Variants in MEI1 observed in about 807,000 individuals in gnomAD.
MEI1 encodes meiotic double-stranded break formation protein 1.
Under a neutral mutation model 146.2 loss-of-function variants are expected in MEI1, and 103 were observed. That is an observed-to-expected ratio of 0.70 (90% confidence interval 0.60 to 0.83). The LOEUF (loss-of-function observed/expected upper bound fraction) is 0.83, where lower values mean the gene tolerates loss of function less well. MEI1 is among the 40% of genes least tolerant of loss of function. The pLI is 0.00. For synonymous variants in MEI1, 652 were observed against 628.2 expected (o/e 1.04, Z -0.57); for missense variants, 1,529 against 1,533.0 (o/e 1.00, Z 0.04).
At chr22:41,765,090 CG>C (rs2074755178) in intron 19 of MEI1, among the ~76,000 whole-genome samples, 1 of 152,150 alleles carries the variant, frequency 6.6e-6, no homozygotes, top group Non-Finnish European at 1.5e-5. Context: ...CTGTAACCTC[CG>C]CTTCCCAGGT....
chr22:41,773,866 CT>C (rs1177447205), intron 20 of MEI1, among the ~76,000 whole-genome samples: 1 of 152,182 alleles, frequency 6.6e-6, no homozygotes, highest in African/African-American at 2.4e-5. Flanking sequence ...CAGAGCTAGA[CT>C]TCGTCTCAAA....
chr22:41,793,032 C>CTTTTTTTTTTTTTTTTTTTTTTT (rs869223251), intron 26 of MEI1, among the ~76,000 whole-genome samples: 1 of 48,452 alleles, frequency 2.1e-5, no homozygotes, highest in African/African-American at 4.3e-5. Flanking sequence ...ACAAAGCATT[C>CTTTTTTTTTTTTTTTTTTTTTTT]TTTTTTTTTT....
intron 7 of MEI1, among the ~76,000 whole-genome samples, chr22:41,728,933 A>G (rs2071602720): frequency 6.6e-6 from 1 of 152,090 alleles, no homozygotes; most frequent in Admixed American, 6.6e-5. Context: ...TGGGAGGCCA[A>G]GGCAAGTGGA....
At chr22:41,788,640 C>A (rs1249197909) in intron 26 of MEI1, among the ~76,000 whole-genome samples, 1 of 151,898 alleles carries the variant, frequency 6.6e-6, no homozygotes, top group Non-Finnish European at 1.5e-5. Context: ...AGGGTTTCAC[C>A]ATGTTGGCCA....
intron 3 of MEI1, among the ~76,000 whole-genome samples, chr22:41,712,526 C>T (rs1009539155): frequency 7.2e-5 from 11 of 152,008 alleles, no homozygotes; most frequent in South Asian, 4.2e-4. Flanking sequence ...TGAGCCACTG[C>T]GCCCGGCTCA....
intron 11 of MEI1, among the ~76,000 whole-genome samples, chr22:41,741,191 G>A (rs1204839338): frequency 6.6e-6 from 1 of 152,212 alleles, no homozygotes; most frequent in Non-Finnish European, 1.5e-5. Context: ...CCTGTGGGCT[G>A]TGGGTGGGAC....
intron 18 of MEI1, among the ~76,000 whole-genome samples, chr22:41,760,496 G>A (rs1440807230): frequency 6.6e-6 from 1 of 152,012 alleles, no homozygotes; most frequent in Non-Finnish European, 1.5e-5. Flanking sequence ...GTGACGGAGT[G>A]ATACTCTGTC....
Position 41,781,679 on chromosome 22 carries a change from C to T in MEI1, c.2927-6C>T, listed in dbSNP as rs749525007. 3.0e-5 allele frequency: 49 copies of T among 1,611,884 alleles called. No homozygotes were observed. The highest frequency in any genetic ancestry group is 1.4e-4 in the South Asian group (13 of 90,966). Reference sequence around the variant, plus strand: ...CTGTGGGCCCTGCCTTGCCCACCCCCGACAGCTGCTGCAGTGCTCCTGAGC... The same window carrying T: ...CTGTGGGCCCTGCCTTGCCCACCCCTGACAGCTGCTGCAGTGCTCCTGAGC... On this transcript the variant is annotated splice_polypyrimidine_tract_variant and splice_region_variant and intron_variant, in intron 23 of 30. Transcript: ENST00000401548.
chr22:41,770,495 CT>C lies in MEI1; in HGVS notation c.2269-190del, dbSNP rs141344143. Reference sequence around the variant, plus strand: ...ATGTCCCATGGGGACAAAATCACCCCTAGTTGATAACTTCTGTTATAAGGTA... The same window carrying C: ...ATGTCCCATGGGGACAAAATCACCCCAGTTGATAACTTCTGTTATAAGGTA... On this transcript the variant is annotated intron_variant, in intron 19 of 30. Transcript: ENST00000401548. Among the ~76,000 whole-genome samples the C allele has an allele frequency of 8.4e-3, 1,273 of 152,202 alleles. 19 individuals carry two copies. Among genetic ancestry groups the C allele is most frequent in the African/African-American group, 0.029 (1,212 of 41,498 alleles).
chr22:41,722,649 A>G (rs2070970013), intron 6 of MEI1, among the ~76,000 whole-genome samples: 1 of 151,722 alleles, frequency 6.6e-6, no homozygotes, highest in Non-Finnish European at 1.5e-5. Context: ...GCCTTTATAT[A>G]TTCCTCTGCC....
chr22:41,741,746 C>T lies in MEI1; in HGVS notation c.1332-1334C>T, dbSNP rs12168885. 6.6e-5 allele frequency among the ~76,000 whole-genome samples: 10 copies of T among 152,174 alleles called. No homozygotes were observed. The East Asian group carries it at 1.2e-3, about 18-fold the overall frequency. ...ATTCCAGCACTTTGAGAGGCTGAGG[C>T]GGCAGATCATGAGGTCAAGAAACCC... On this transcript the variant is annotated intron_variant, in intron 11 of 30. Transcript: ENST00000401548.
chr22:41,756,910 A>G (rs1320342841), intron 17 of MEI1, among the ~76,000 whole-genome samples: 2 of 152,250 alleles, frequency 1.3e-5, no homozygotes, highest in African/African-American at 4.8e-5. Flanking sequence ...TCACAGTCCA[A>G]CTGCAGATTA....
Position 41,699,556 on chromosome 22 carries a change from G to A in MEI1, c.18G>A (p.Ala6=). ...GCGAGGAGATGGCTGTGAGGCAGGC[G>A]GCGACGGCGGGCACTCCCGGGCCCA... MAVRQ[A]ATAGTPGPRR... is the part of the protein sequence containing the mutation. Residue 6 remains alanine, a synonymous_variant, in exon 1 of 31, where the codon GCG becomes GCA. Coordinates refer to ENST00000401548, the MANE Select transcript of MEI1 (RefSeq NM_152513.4). The A allele has an allele frequency of 6.2e-7, 1 of 1,611,762 alleles. No homozygotes were observed. Among genetic ancestry groups the A allele is most frequent in the Non-Finnish European group, 8.5e-7 (1 of 1,178,998 alleles).
Position 41,784,815 on chromosome 22 carries a change from C to T in MEI1, c.3345+32C>T, listed in dbSNP as rs1428875850. 7.8e-6 allele frequency: 12 copies of T among 1,533,578 alleles called. No homozygotes were observed. In the East Asian group the frequency reaches 2.4e-4, roughly 30 times the overall value. The allele number at this position is 1,533,578 out of a possible 1,614,324, so 95.0% of individuals were successfully genotyped here. A position where few individuals can be genotyped will look rare whatever the true frequency, so the allele number is the denominator to read the frequency against. On this transcript the variant is annotated intron_variant, in intron 26 of 30. Transcript: ENST00000401548. ...CCCTTGCTGAGTGGGGCTTGCTTCT[C>T]CCAGGACAACAGCAGGAAGGGGTGG...
chr22:41,795,525 C>A lies in MEI1; in HGVS notation c.3649C>A (p.His1217Asn). The A allele has an allele frequency of 6.2e-7, 1 of 1,613,726 alleles. No homozygotes were observed. Among genetic ancestry groups the A allele is most frequent in the Non-Finnish European group, 8.5e-7 (1 of 1,179,810 alleles). Residue 1217 changes from histidine to asparagine, a missense_variant, in exon 29 of 31, where the codon CAT (histidine) becomes AAT (asparagine). Transcript: ENST00000401548. The surrounding 1 kb of genome is among the most constrained non-coding windows in gnomAD (Gnocchi z 4.2). Reference sequence around the variant, plus strand: ...CTCGAACACCACACTCCAGGCCCTGCATGGCTTCTTCCAGCAGGTGGGTGG... The same window carrying A: ...CTCGAACACCACACTCCAGGCCCTGAATGGCTTCTTCCAGCAGGTGGGTGG... ...TLSNTTLQAL[H>N]GFFQQLQSMG...
chr22:41,712,460 C>T (rs62239560), intron 3 of MEI1, among the ~76,000 whole-genome samples: 2,802 of 151,732 alleles, frequency 0.018, 36 homozygotes, highest in Non-Finnish European at 0.029. Context: ...TGGTCTTGAT[C>T]TCCTGACCTC....
chr22:41,753,249 G>A lies in MEI1; in HGVS notation c.1853+598G>A, dbSNP rs746967694. Reference sequence around the variant, plus strand: ...ACTCCTGACTTGAGGTGATCCGCCCGCCTTGGCCTCCCAGAGTGCTGGGAT... The same window carrying A: ...ACTCCTGACTTGAGGTGATCCGCCCACCTTGGCCTCCCAGAGTGCTGGGAT... On this transcript the variant is annotated intron_variant, in intron 16 of 30. Transcript: ENST00000401548. Among the ~76,000 whole-genome samples, 46 of 151,986 alleles carry A rather than the reference G, an allele frequency of 3.0e-4. 1 individual carries two copies. Among genetic ancestry groups the A allele is most frequent in the Admixed American group, 1.9e-3 (29 of 15,264 alleles).
chr22:41,700,315 A>G (rs1460259541), intron 1 of MEI1, among the ~76,000 whole-genome samples: 1 of 152,106 alleles, frequency 6.6e-6, no homozygotes, highest in East Asian at 1.9e-4. Flanking sequence ...CTCATTGCCT[A>G]CCGCGTTTGC....
chr22:41,728,416 T>G (rs1454016635), intron 7 of MEI1, among the ~76,000 whole-genome samples: 2 of 152,226 alleles, frequency 1.3e-5, no homozygotes, highest in African/African-American at 4.8e-5. Context: ...TCCCTTGTTA[T>G]GTCACAGAAT....
Sources: allele counts gnomAD v4.1 joint callset (sites outside exome capture counted in the v4.1 genomes callset), GRCh38; gene constraint gnomAD v4.1.1; non-coding constraint Gnocchi (gnomAD v3.1); transcripts MANE v1.5; gene names NCBI Gene and HGNC (gene_info 2026-07-23, HGNC 2026-07-21).